Variants in RIMS2 observed in about 807,000 individuals in gnomAD.
RIMS2 encodes regulating synaptic membrane exocytosis 2, also known as regulating synaptic membrane exocytosis protein 2.
In RIMS2, 59 loss-of-function variants were observed where a neutral mutation model predicts 174.4. The ratio of observed to expected loss-of-function variants is 0.34; its 90% CI spans 0.27 to 0.42. The LOEUF is 0.42. RIMS2 is among the 10% of genes least tolerant of loss of function. The pLI, the probability that RIMS2 is intolerant of heterozygous loss-of-function variation, is 1.00. For synonymous variants in RIMS2, 606 were observed against 572.5 expected (o/e 1.06, Z -0.84); for missense variants, 1,620 against 1,666.3 (o/e 0.97, Z 0.48).
chr8:103,513,668 A>G (rs1002998798), intron 1 of RIMS2, among the ~76,000 whole-genome samples: 1 of 152,174 alleles, frequency 6.6e-6, no homozygotes, highest in Non-Finnish European at 1.5e-5. Flanking sequence ...TGGTTAAGGA[A>G]GTATGGGTGT....
chr8:103,795,880 C>G (rs2098546521), intron 3 of RIMS2, among the ~76,000 whole-genome samples: 1 of 152,102 alleles, frequency 6.6e-6, no homozygotes, highest in African/African-American at 2.4e-5. Context: ...ATAATCTTAC[C>G]TTGTGTTCCA....
intron 17 of RIMS2, among the ~76,000 whole-genome samples, chr8:103,999,264 G>A (rs1010558989): frequency 3.3e-5 from 5 of 151,676 alleles, no homozygotes; most frequent in Admixed American, 3.3e-4. Context: ...TTTTATTTAT[G>A]TGGGTTAATG....
chr8:104,103,622 T>C (rs1172560815), intron 19 of RIMS2, among the ~76,000 whole-genome samples: 1 of 152,146 alleles, frequency 6.6e-6, no homozygotes, highest in African/African-American at 2.4e-5. Flanking sequence ...GCGTATATTT[T>C]TAAATTTCCA....
intron 4 of RIMS2, among the ~76,000 whole-genome samples, chr8:103,890,452 A>G (rs2099237026): frequency 6.6e-6 from 1 of 152,066 alleles, no homozygotes; most frequent in Admixed American, 6.6e-5. Context: ...CTGGAAATTG[A>G]AAATCTAAAA....
chr8:103,848,160 T>A (rs964779746), intron 3 of RIMS2, among the ~76,000 whole-genome samples: 5 of 152,044 alleles, frequency 3.3e-5, no homozygotes, highest in African/African-American at 1.2e-4. Context: ...TTCTTTTCTT[T>A]TTACACAAAA....
At chr8:103,760,822 C>T (rs1347965196) in intron 2 of RIMS2, among the ~76,000 whole-genome samples, 1 of 152,146 alleles carries the variant, frequency 6.6e-6, no homozygotes, top group Non-Finnish European at 1.5e-5. Flanking sequence ...GCTTTATTCA[C>T]CAGCTGTTAG....
intron 1 of RIMS2, among the ~76,000 whole-genome samples, chr8:103,667,562 T>A (rs2096687317): frequency 6.6e-6 from 1 of 152,218 alleles, no homozygotes; most frequent in Non-Finnish European, 1.5e-5. Flanking sequence ...GTTTTTCATC[T>A]TTCATGTATC....
chr8:104,118,019 C>G (rs1334656427), intron 19 of RIMS2, among the ~76,000 whole-genome samples: 1 of 152,120 alleles, frequency 6.6e-6, no homozygotes, highest in Admixed American at 6.5e-5. Flanking sequence ...CAGTTCTGGA[C>G]AGAATACGAA....
At chr8:104,196,156 T>C (rs1025532060) in intron 19 of RIMS2, among the ~76,000 whole-genome samples, 13 of 152,082 alleles carry the variant, frequency 8.5e-5, no homozygotes, top group African/African-American at 2.4e-4. Flanking sequence ...AGACCAATAC[T>C]CCAAAAAACA....
chr8:103,685,628 G>T (rs2096932371), intron 1 of RIMS2, among the ~76,000 whole-genome samples: 1 of 152,096 alleles, frequency 6.6e-6, no homozygotes, highest in Non-Finnish European at 1.5e-5. Context: ...TGTAAAAAAT[G>T]TTAATGATCA....
chr8:104,040,679 A>T lies in RIMS2; in HGVS notation c.3334+26064A>T, dbSNP rs922553724. Among the ~76,000 whole-genome samples the T allele has an allele frequency of 1.1e-4, 17 of 151,852 alleles. 1 individual carries two copies. The highest frequency in any genetic ancestry group is 3.9e-4 in the African/African-American group (16 of 41,544). On this transcript the variant is annotated intron_variant, in intron 19 of 23. Transcript: ENST00000504942. ...GTTTAGTTTGGATTTTTAATGCTGA[A>T]ATGAAGCCATGTATTTCAGCTACTC...
In RIMS2 at chr8:103,606,532, C is replaced by G. The variant is rs550326833; in HGVS notation, c.177-90554C>G. On this transcript the variant is annotated intron_variant, in intron 1 of 23. Transcript: ENST00000504942. ...TCTATTAGGTCTGCTTGGTGCAGAG[C>G]TGGGTTCAATTCCTGGGTATCCCTG... 6.2e-3 allele frequency among the ~76,000 whole-genome samples: 937 copies of G among 152,248 alleles called. 12 individuals are homozygous for G. Among genetic ancestry groups the G allele is most frequent in the African/African-American group, 0.021 (888 of 41,530 alleles).
chr8:103,818,233 G>T (rs2098730260), intron 3 of RIMS2, among the ~76,000 whole-genome samples: 1 of 151,998 alleles, frequency 6.6e-6, no homozygotes, highest in African/African-American at 2.4e-5. Flanking sequence ...GGGATAAAAG[G>T]GCAAAGAGTT....
chr8:103,947,389 C>T (rs2084056837), intron 14 of RIMS2, among the ~76,000 whole-genome samples: 1 of 152,106 alleles, frequency 6.6e-6, no homozygotes, highest in East Asian at 1.9e-4. Context: ...TAAACATTGT[C>T]ATCATTGTAT....
intron 1 of RIMS2, among the ~76,000 whole-genome samples, chr8:103,605,979 GT>G (rs1330618353): frequency 5.5e-5 from 8 of 145,868 alleles, no homozygotes; most frequent in Non-Finnish European, 9.1e-5. Context: ...TTTTTGAAGG[GT>G]TTTTTGTGTC....
Position 104,221,165 on chromosome 8 carries a change from C to A in RIMS2, c.3335-23751C>A, listed in dbSNP as rs574422804. ...ACCCTTTAATCTAAATTTTCTCTTA[C>A]ATAAAGTATTTTATTACATTAGATT... On this transcript the variant is annotated intron_variant, in intron 19 of 23. Transcript: ENST00000504942. 2.2e-3 allele frequency among the ~76,000 whole-genome samples: 339 copies of A among 152,132 alleles called. 2 individuals are homozygous for A. Among genetic ancestry groups the A allele is most frequent in the African/African-American group, 7.7e-3 (320 of 41,498 alleles).
intron 2 of RIMS2, among the ~76,000 whole-genome samples, chr8:103,735,111 T>A (rs1274480544): frequency 6.6e-6 from 1 of 152,186 alleles, no homozygotes; most frequent in Admixed American, 6.5e-5. Flanking sequence ...TCTCCTCACA[T>A]CTGTGGCAGC....
intron 15 of RIMS2, among the ~76,000 whole-genome samples, chr8:103,972,716 C>T (rs2093017687): frequency 6.6e-6 from 1 of 152,134 alleles, no homozygotes; most frequent in South Asian, 2.1e-4. Flanking sequence ...TGTTTATCAG[C>T]TTGGAAAACC....
At chr8:104,038,427 T>C (rs2096554672) in intron 19 of RIMS2, among the ~76,000 whole-genome samples, 1 of 151,930 alleles carries the variant, frequency 6.6e-6, no homozygotes. Context: ...CAGTCTTAAC[T>C]GGTTATTGAT....
Sources: allele counts gnomAD v4.1 joint callset (sites outside exome capture counted in the v4.1 genomes callset), GRCh38; gene constraint gnomAD v4.1.1; transcripts MANE v1.5; gene names NCBI Gene and HGNC (gene_info 2026-07-23, HGNC 2026-07-21).